The following MAPRE2 variants were observed in gnomAD, a reference collection of about 807,000 sequenced individuals.
The protein encoded by MAPRE2 is microtubule-associated protein RP/EB family member 2.
A neutral mutation model predicts 43.2 loss-of-function variants in MAPRE2; 13 were observed. The observed-to-expected ratio is 0.30, with a 90% CI of 0.20 to 0.48. The LOEUF (loss-of-function observed/expected upper bound fraction) is 0.48. Ranked by LOEUF, MAPRE2 falls within the 20% of genes least tolerant of loss-of-function variation. The pLI, the probability that MAPRE2 is intolerant of heterozygous loss-of-function variation, is 0.99. For synonymous variants in MAPRE2, 135 were observed against 148.8 expected, an observed-to-expected ratio of 0.91 and a Z score of 0.68; for missense variants, 161 against 400.2, an observed-to-expected ratio of 0.40 and a Z score of 5.10.
At chr18:35,065,372 C>T (rs980162833) in intron 1 of MAPRE2, among the ~76,000 whole-genome samples, 2 of 151,408 alleles carry the variant, frequency 1.3e-5, no homozygotes, top group African/African-American at 4.9e-5. Flanking sequence ...AAGTGTGTAA[C>T]TATATTGTGA....
chr18:35,057,960 C>T (rs1255131528), intron 1 of MAPRE2, among the ~76,000 whole-genome samples: 7 of 152,204 alleles, frequency 4.6e-5, no homozygotes, highest in African/African-American at 1.7e-4. Context: ...ATTTGCTACT[C>T]ATCATAAAGT....
chr18:34,977,260 T>G (rs959038442), intron 1 of MAPRE2, among the ~76,000 whole-genome samples: 4 of 151,854 alleles, frequency 2.6e-5, no homozygotes, highest in African/African-American at 9.7e-5. Context: ...TGTGCAAGGG[T>G]CGGCTAGGCG....
intron 1 of MAPRE2, among the ~76,000 whole-genome samples, chr18:34,984,829 T>C (rs1172284726): frequency 7.8e-6 from 1 of 127,434 alleles, no homozygotes; most frequent in Admixed American, 9.6e-5. Flanking sequence ...AATATAAATA[T>C]ATAATATTTT....
intron 1 of MAPRE2, among the ~76,000 whole-genome samples, chr18:35,044,242 T>G (rs1905507079): frequency 1.3e-5 from 2 of 152,220 alleles, no homozygotes; most frequent in South Asian, 4.1e-4. Context: ...TTTCTTTTCT[T>G]TTTTTGCGAC....
chr18:35,108,210 GA>G (rs987232046), intron 4 of MAPRE2, among the ~76,000 whole-genome samples: 1 of 152,140 alleles, frequency 6.6e-6, no homozygotes, highest in African/African-American at 2.4e-5. Context: ...CTTTGAGTGA[GA>G]ACATGCAGTG....
At position 35,125,204 on chromosome 18, in the gene MAPRE2, C is replaced by T. The variant is rs777896383; in HGVS notation, c.611-1744C>T. On this transcript the variant is annotated intron_variant, in intron 4 of 6. Coordinates refer to ENST00000300249, the MANE Select transcript of MAPRE2 (RefSeq NM_014268.4). Reference sequence around the variant, plus strand: ...TGTGACTTGCATCCGGAGCTAATGACCCCAGGCACCTGAAGACACAAATAT... The same window carrying T: ...TGTGACTTGCATCCGGAGCTAATGATCCCAGGCACCTGAAGACACAAATAT... 4.6e-5 allele frequency among the ~76,000 whole-genome samples: 7 copies of T among 152,138 alleles called. No homozygotes were observed. In the East Asian group the frequency reaches 1.2e-3, roughly 25 times the overall value.
At chr18:34,985,351 A>ATAT (rs2097019611) in intron 1 of MAPRE2, among the ~76,000 whole-genome samples, 12 of 44,570 alleles carry the variant, frequency 2.7e-4, no homozygotes, top group African/African-American at 1.2e-3. Flanking sequence ...ATATTATATT[A>ATAT]TATATATAAT....
At chr18:35,136,635 AGAG>A (rs1910403588) in intron 6 of MAPRE2, among the ~76,000 whole-genome samples, 1 of 152,234 alleles carries the variant, frequency 6.6e-6, no homozygotes, top group Admixed American at 6.5e-5. Context: ...TGAGCAAAGC[AGAG>A]AAGAAAGACC....
intron 1 of MAPRE2, among the ~76,000 whole-genome samples, chr18:35,042,376 A>G (rs1905413117): frequency 6.6e-6 from 1 of 152,052 alleles, no homozygotes; most frequent in African/African-American, 2.4e-5. Context: ...TAGGAAGGTG[A>G]TTCCTGGTCT....
chr18:35,089,847 G>T (rs80172333), intron 2 of MAPRE2, among the ~76,000 whole-genome samples: 1,790 of 152,238 alleles, frequency 0.012, 34 homozygotes, highest in African/African-American at 0.041. Flanking sequence ...ACTGTTTGTA[G>T]CATCATTACT....
intron 5 of MAPRE2, among the ~76,000 whole-genome samples, chr18:35,128,000 G>A (rs1411449200): frequency 6.6e-6 from 1 of 152,194 alleles, no homozygotes; most frequent in East Asian, 1.9e-4. Context: ...TTACTTCAGG[G>A]CCCCAGGCTG....
intron 1 of MAPRE2, among the ~76,000 whole-genome samples, chr18:34,981,924 T>G (rs778695433): frequency 8.7e-5 from 13 of 148,830 alleles, no homozygotes; most frequent in Non-Finnish European, 1.6e-4. Flanking sequence ...TCACTCTGTC[T>G]CCCAGGCTGG....
intron 1 of MAPRE2, among the ~76,000 whole-genome samples, chr18:34,979,876 T>A (rs1490551185): frequency 1.3e-5 from 2 of 152,166 alleles, no homozygotes; most frequent in African/African-American, 2.4e-5. Context: ...TAACAGGTTA[T>A]CTTAGAGTCA....
intron 1 of MAPRE2, among the ~76,000 whole-genome samples, chr18:34,992,451 C>T (rs981127294): frequency 7.2e-5 from 11 of 152,186 alleles, no homozygotes; most frequent in Non-Finnish European, 1.5e-4. Flanking sequence ...CCCAGCTGTG[C>T]TTAAAGTACA....
In MAPRE2 at chr18:34,985,507, T is replaced by C. The variant is rs867465706; in HGVS notation, c.-70+8428T>C. Among the ~76,000 whole-genome samples, 353 of 62,512 alleles carry C rather than the reference T, an allele frequency of 5.6e-3. 24 individuals are homozygous for C. The highest frequency in any genetic ancestry group is 0.026 in the African/African-American group (337 of 12,864). 41.0% of individuals were successfully genotyped at this position (62,512 alleles called of 152,430 possible). A position where few individuals can be genotyped will look rare whatever the true frequency, so the allele number is the denominator to read the frequency against. On this transcript the variant is annotated intron_variant, in intron 1 of 7. Coordinates refer to the MAPRE2 transcript ENST00000413393. ...TATATATTGTATATTATATAATATA[T>C]AATATATATATTATATATTATAAAT...
chr18:35,094,109 A>G (rs1167997130), intron 2 of MAPRE2, among the ~76,000 whole-genome samples: 1 of 152,160 alleles, frequency 6.6e-6, no homozygotes, highest in Non-Finnish European at 1.5e-5. Flanking sequence ...AGCGACTTTG[A>G]ATGTTCTCAC....
chr18:35,084,197 C>G (rs1305056818), intron 2 of MAPRE2, among the ~76,000 whole-genome samples: 1 of 152,156 alleles, frequency 6.6e-6, no homozygotes, highest in Non-Finnish European at 1.5e-5. Flanking sequence ...TCACTTGAAT[C>G]TGGGAGGTGG....
Position 35,041,675 on chromosome 18 carries a change from C to A in MAPRE2, c.122+14C>A. On this transcript the variant is annotated intron_variant, in intron 1 of 6. Coordinates refer to ENST00000300249, the MANE Select transcript of MAPRE2 (RefSeq NM_014268.4). ...GCGTTCCTACAGGTAATGGGGCTGG[C>A]ACGAGAGCAGCGCCGGGGACCGCCG... is the stretch of plus-strand genomic sequence containing the variant. The A allele has an allele frequency of 1.9e-6, 3 of 1,614,100 alleles. No homozygotes were observed. The highest frequency in any genetic ancestry group is 1.7e-6 in the Non-Finnish European group (2 of 1,180,008).
chr18:35,015,095 A>G (rs1603390232), intron 2 of MAPRE2, among the ~76,000 whole-genome samples: 1 of 152,090 alleles, frequency 6.6e-6, no homozygotes, highest in African/African-American at 2.4e-5. Flanking sequence ...ACCCCTAAAC[A>G]AGAAATGTGT....
Sources: allele counts gnomAD v4.1 joint callset (sites outside exome capture counted in the v4.1 genomes callset), GRCh38; gene constraint gnomAD v4.1.1; transcripts MANE v1.5; gene names NCBI Gene and HGNC (gene_info 2026-07-23, HGNC 2026-07-21).